The following FAT3 variants were observed in gnomAD, a reference collection of about 807,000 sequenced individuals.
FAT3 encodes the protein protocadherin Fat 3.
FAT3 carries 95 observed loss-of-function variants against 310.2 expected under a neutral mutation model. The observed-to-expected ratio is 0.31, with a 90% confidence interval of 0.26 to 0.36. The LOEUF (loss-of-function observed/expected upper bound fraction) is 0.36. Among genes scored for constraint, FAT3 ranks in the 10% least tolerant of loss-of-function variants. The probability of loss-of-function intolerance (pLI) is 1.00; values close to 1 mark genes in which losing one functional copy is unlikely to be tolerated. For missense variants in FAT3, 5,408 were observed against 5,715.6 expected (o/e 0.95, Z 1.74); for synonymous variants, 2,314 against 2,192.9 (o/e 1.06, Z -1.54).
At chr11:92,457,569 A>G (rs141256898) in intron 2 of FAT3, among the ~76,000 whole-genome samples, 78 of 152,338 alleles carry the variant, frequency 5.1e-4, no homozygotes, top group South Asian at 4.3e-3. Context: ...AAATCACCAT[A>G]TCCAAATTAG....
intron 3 of FAT3, among the ~76,000 whole-genome samples, chr11:92,653,476 C>T (rs1942463087): frequency 1.3e-5 from 2 of 152,094 alleles, no homozygotes; most frequent in Admixed American, 1.3e-4. Context: ...ATGCAGGTTA[C>T]CTTCCTACCA....
intron 1 of FAT3, among the ~76,000 whole-genome samples, chr11:92,231,254 A>G (rs528671254): frequency 2.6e-5 from 4 of 152,248 alleles, no homozygotes; most frequent in Non-Finnish European, 4.4e-5. Flanking sequence ...GTCACAGAAC[A>G]CCTCAGAGTG....
intron 2 of FAT3, among the ~76,000 whole-genome samples, chr11:92,389,923 A>C (rs949212167): frequency 5.9e-5 from 9 of 152,136 alleles, no homozygotes; most frequent in Non-Finnish European, 1.2e-4. Context: ...GTGTCTTCAC[A>C]TTACCTTGTG....
chr11:92,598,298 C>T (rs1246583767), intron 3 of FAT3, among the ~76,000 whole-genome samples: 2 of 149,734 alleles, frequency 1.3e-5, no homozygotes, highest in Non-Finnish European at 3.0e-5. Flanking sequence ...ACAATCTCAG[C>T]TTATTTCAGC....
Position 92,712,566 on chromosome 11 carries a change from C to CT in FAT3, c.3669+15122dup, listed in dbSNP as rs150260455. 6.2e-3 allele frequency among the ~76,000 whole-genome samples: 929 copies of CT among 150,224 alleles called. 19 individuals carry two copies. In the East Asian group the frequency reaches 0.065, roughly 10 times the overall value. ...GTACTGACTTTGTACTTATTAGACT[C>CT]TAAGTAAATATTAGCTGAATTAAAA... is the stretch of plus-strand genomic sequence containing the variant. On this transcript the variant is annotated intron_variant, in intron 4 of 27. Transcript: ENST00000525166.
chr11:92,485,152 C>A (rs1277327423), intron 2 of FAT3, among the ~76,000 whole-genome samples: 1 of 152,180 alleles, frequency 6.6e-6, no homozygotes, highest in Middle Eastern at 3.2e-3. Context: ...TTGGCATGTG[C>A]CGTGGTAGAC....
chr11:92,332,413 C>T (rs1199963571), intron 1 of FAT3, among the ~76,000 whole-genome samples: 1 of 152,214 alleles, frequency 6.6e-6, no homozygotes. Flanking sequence ...AGCTCTACCA[C>T]ATATGAATAA....
chr11:92,572,785 C>T (rs558238011), intron 3 of FAT3, among the ~76,000 whole-genome samples: 1 of 152,274 alleles, frequency 6.6e-6, no homozygotes, highest in East Asian at 1.9e-4. Flanking sequence ...CCATAATATA[C>T]ACTGAATTTT....
At chr11:92,271,946 C>A (rs1333412938) in intron 1 of FAT3, among the ~76,000 whole-genome samples, 1 of 151,960 alleles carries the variant, frequency 6.6e-6, no homozygotes, top group Admixed American at 6.6e-5. Flanking sequence ...ATACTGATTC[C>A]CTTCACTTCT....
intron 2 of FAT3, among the ~76,000 whole-genome samples, chr11:92,453,080 C>A (rs1468099954): frequency 6.6e-6 from 1 of 152,026 alleles, no homozygotes; most frequent in Non-Finnish European, 1.5e-5. Context: ...AGCCTGATAT[C>A]CCTGTTTTAA....
At chr11:92,629,046 C>G (rs900742484) in intron 3 of FAT3, among the ~76,000 whole-genome samples, 2 of 152,222 alleles carry the variant, frequency 1.3e-5, no homozygotes, top group African/African-American at 4.8e-5. Flanking sequence ...GCTTTTCAGT[C>G]ATTCATGATT....
chr11:92,878,635 A>AAAAAAAAC (rs1949593395), intron 22 of FAT3, among the ~76,000 whole-genome samples: 1 of 62,438 alleles, frequency 1.6e-5, no homozygotes, highest in Non-Finnish European at 2.8e-5. Context: ...GTTATGTGTT[A>AAAAAAAAC]AAAAAAAAAA....
chr11:92,844,467 C>T lies in FAT3; in HGVS notation c.11100C>T (p.Asp3700=), dbSNP rs1314103536. The part of the protein sequence containing the change: ...IQPVAGTNQL[D]MLFAVEMHSS... ...CCGTGGCAGGCACCAACCAACTGGA[C>T]ATGCTGTTTGCGGTGGAGATGCACA... is the stretch of plus-strand genomic sequence containing the variant. Residue 3700 remains aspartate, a synonymous_variant, in exon 19 of 28, where the codon GAC becomes GAT. Transcript: ENST00000525166. 1.2e-6 allele frequency: 2 copies of T among 1,613,974 alleles called. No individual in the cohort carries two copies. The highest frequency in any genetic ancestry group is 2.2e-5 in the South Asian group (2 of 91,060).
At chr11:92,626,082 G>A (rs918678907) in intron 3 of FAT3, among the ~76,000 whole-genome samples, 1 of 152,158 alleles carries the variant, frequency 6.6e-6, no homozygotes, top group Non-Finnish European at 1.5e-5. Flanking sequence ...GCTGGAGGAT[G>A]CCTCAGGTTT....
intron 3 of FAT3, among the ~76,000 whole-genome samples, chr11:92,602,885 T>C (rs975866998): frequency 6.6e-6 from 1 of 152,200 alleles, no homozygotes; most frequent in African/African-American, 2.4e-5. Context: ...TTGGTAAATT[T>C]TTATTTCATG....
At chr11:92,377,081 C>A (rs1441200886) in intron 2 of FAT3, among the ~76,000 whole-genome samples, 4 of 152,112 alleles carry the variant, frequency 2.6e-5, no homozygotes, top group Admixed American at 2.6e-4. Flanking sequence ...AATTTTCAGA[C>A]CTGTACAGTC....
intron 2 of FAT3, among the ~76,000 whole-genome samples, chr11:92,395,221 G>A (rs1949840116): frequency 6.6e-6 from 1 of 152,046 alleles, no homozygotes; most frequent in South Asian, 2.1e-4. Flanking sequence ...AATGCTGAAC[G>A]ACTTGAGTTT....
intron 2 of FAT3, among the ~76,000 whole-genome samples, chr11:92,490,691 T>G (rs1952575720): frequency 6.6e-6 from 1 of 152,176 alleles, no homozygotes; most frequent in Non-Finnish European, 1.5e-5. Context: ...ATTTTTATCC[T>G]GAGTTTTAAA....
intron 1 of FAT3, among the ~76,000 whole-genome samples, chr11:92,243,594 T>C (rs926383669): frequency 6.6e-6 from 1 of 152,112 alleles, no homozygotes; most frequent in Non-Finnish European, 1.5e-5. Context: ...TCTAGCAATC[T>C]GCTTTCTTGT....
Sources: gnomAD v4.1 joint callset for allele counts (sites outside exome capture counted in the v4.1 genomes callset) on GRCh38, gnomAD v4.1.1 for gene constraint, MANE v1.5 for transcripts, NCBI Gene and HGNC (gene_info 2026-07-23, HGNC 2026-07-21) for gene names.